Variants in CELF2 observed in about 807,000 individuals in gnomAD.
The protein encoded by CELF2 is CUGBP Elav-like family member 2.
In CELF2, 8 loss-of-function variants were observed where a neutral mutation model predicts 62.6. The ratio of observed to expected loss-of-function variants is 0.13; its 90% CI spans 0.07 to 0.23. The LOEUF (loss-of-function observed/expected upper bound fraction) is 0.23, where lower values mean the gene tolerates loss of function less well. CELF2 is among the 10% of genes least tolerant of loss of function. CELF2 has a pLI of 1.00. For synonymous variants in CELF2, 258 were observed against 250.0 expected (o/e 1.03, Z -0.30); for missense variants, 333 against 671.0 (o/e 0.50, Z 5.56).
chr10:10,860,895 T>C (rs1219228152), intron 1 of CELF2, among the ~76,000 whole-genome samples: 1 of 152,204 alleles, frequency 6.6e-6, no homozygotes, highest in East Asian at 1.9e-4. Flanking sequence ...TGGCTGAGAC[T>C]CAGCTACTTG....
Position 11,318,801 on chromosome 10 carries a change from C to A in CELF2, c.1097-2388C>A. 1 of 471,306 alleles carries A rather than the reference C, an allele frequency of 2.1e-6. No individual in the cohort carries two copies. The highest frequency in any genetic ancestry group is 3.2e-4 in the Middle Eastern group (1 of 3,078). 29.2% of individuals were successfully genotyped at this position (471,306 alleles called of 1,614,324 possible). On this transcript the variant is annotated intron_variant, in intron 10 of 12. Transcript: ENST00000633077. The surrounding 1 kb of genome is among the most constrained non-coding windows in gnomAD (Gnocchi z 5.4). ...AGAGAAGGGAGTTGGGTCCCAGTGA[C>A]CACTGCCATAAAATGCCACCTGTGT...
intron 2 of CELF2, among the ~76,000 whole-genome samples, chr10:10,958,376 G>T (rs62209): frequency 0.32 from 49,007 of 151,998 alleles, 12,175 homozygotes; most frequent in African/African-American, 0.7. Flanking sequence ...GTCAGGGAGA[G>T]GGAAGTGAGA....
chr10:10,990,686 AATG>A lies in CELF2; in HGVS notation c.89+70690_89+70692del, dbSNP rs1258014014. 6.6e-6 allele frequency among the ~76,000 whole-genome samples: 1 copy of A among 152,212 alleles called. No homozygotes were observed. The highest frequency in any genetic ancestry group is 1.5e-5 in the Non-Finnish European group (1 of 68,040). ...ATGCTAAATAAAGGCTAAAAAAGAT[AATG>A]ATCTTCCAGAGATTTGTAGATAAAT... On this transcript the variant is annotated intron_variant, in intron 2 of 13. Transcript: ENST00000636488. This position sits in a 1 kb window ranked among gnomAD's most constrained non-coding sequence, Gnocchi z 4.6.
At chr10:10,469,044 A>T in the CELF2 span, among the ~76,000 whole-genome samples, 1 of 151,948 alleles carries the variant, frequency 6.6e-6, no homozygotes, top group Non-Finnish European at 1.5e-5. Flanking sequence ...TGTTTTCATA[A>T]TATGCATTTT....
the CELF2 span, among the ~76,000 whole-genome samples, chr10:10,707,752 A>C: frequency 6.6e-6 from 1 of 152,174 alleles, no homozygotes; most frequent in Non-Finnish European, 1.5e-5. Context: ...TACTTCTTAT[A>C]ACAGGCATTG....
the CELF2 span, among the ~76,000 whole-genome samples, chr10:10,778,214 C>T: frequency 3.7e-4 from 57 of 152,176 alleles, 1 homozygote; most frequent in Admixed American, 3.7e-3. Flanking sequence ...TGAAAGGGAT[C>T]TTACGCAGAT....
At chr10:11,200,693 C>T (rs773500355) in intron 2 of CELF2, among the ~76,000 whole-genome samples, 1 of 152,192 alleles carries the variant, frequency 6.6e-6, no homozygotes, top group Non-Finnish European at 1.5e-5. Context: ...GCCTGCCTGT[C>T]ATTTGATGCT....
chr10:10,939,611 G>C (rs1191000443), intron 2 of CELF2, among the ~76,000 whole-genome samples: 1 of 151,348 alleles, frequency 6.6e-6, no homozygotes, highest in African/African-American at 2.4e-5. Flanking sequence ...CTTAATAAGT[G>C]TTTATTCAAT....
the CELF2 span, among the ~76,000 whole-genome samples, chr10:10,645,784 G>T: frequency 1.3e-5 from 2 of 152,192 alleles, no homozygotes; most frequent in Non-Finnish European, 2.9e-5. Flanking sequence ...TACTCAATAA[G>T]TTTCTTCTGA....
the CELF2 span, among the ~76,000 whole-genome samples, chr10:10,577,469 A>G: frequency 4.0e-5 from 6 of 151,542 alleles, no homozygotes; most frequent in African/African-American, 1.5e-4. Context: ...TTAACTCATC[A>G]TTTAGCATTA....
At chr10:10,582,715 A>G in the CELF2 span, among the ~76,000 whole-genome samples, 2 of 152,126 alleles carry the variant, frequency 1.3e-5, no homozygotes, top group Non-Finnish European at 2.9e-5. Flanking sequence ...CTTTTATTTC[A>G]TGGTGTTTTT....
chr10:11,232,661 G>A (rs1171735378), intron 3 of CELF2, among the ~76,000 whole-genome samples: 4 of 152,162 alleles, frequency 2.6e-5, no homozygotes, highest in Non-Finnish European at 5.9e-5. Context: ...TGATGATGTT[G>A]CATGGTACTG....
intron 2 of CELF2, among the ~76,000 whole-genome samples, chr10:10,939,533 A>G (rs1260929969): frequency 6.6e-6 from 1 of 151,704 alleles, no homozygotes; most frequent in Admixed American, 6.6e-5. Flanking sequence ...TGATCCACTC[A>G]CCTTGGCCTC....
At chr10:10,509,504 C>T in the CELF2 span, among the ~76,000 whole-genome samples, 2 of 152,192 alleles carry the variant, frequency 1.3e-5, no homozygotes, top group Non-Finnish European at 2.9e-5. Context: ...ACCAAATCTG[C>T]CAGCTTCTGA....
chr10:10,856,435 A>G (rs1411982102), intron 1 of CELF2, among the ~76,000 whole-genome samples: 1 of 152,226 alleles, frequency 6.6e-6, no homozygotes, highest in Admixed American at 6.5e-5. Flanking sequence ...GAGAGATCAA[A>G]TATTTAAAGA....
chr10:10,998,449 C>A (rs2054188744), intron 2 of CELF2, among the ~76,000 whole-genome samples: 1 of 152,192 alleles, frequency 6.6e-6, no homozygotes. Flanking sequence ...GTAATGCTTA[C>A]TTTCTACCAC....
the CELF2 span, among the ~76,000 whole-genome samples, chr10:10,645,344 T>C: frequency 6.6e-6 from 1 of 152,168 alleles, no homozygotes; most frequent in African/African-American, 2.4e-5. Context: ...TTTTAAACCT[T>C]TGTCGCAATT....
At chr10:10,581,280 A>C in the CELF2 span, among the ~76,000 whole-genome samples, 8 of 152,190 alleles carry the variant, frequency 5.3e-5, no homozygotes, top group African/African-American at 1.9e-4. Context: ...AAATTTCTAT[A>C]TTTAATTTTA....
Position 11,244,983 on chromosome 10 carries a change from G to A in CELF2, c.355-4170G>A, listed in dbSNP as rs1589739195. 6.6e-6 allele frequency among the ~76,000 whole-genome samples: 1 copy of A among 152,112 alleles called. No homozygotes were observed. The highest frequency in any genetic ancestry group is 2.1e-4 in the South Asian group (1 of 4,822). On this transcript the variant is annotated intron_variant, in intron 3 of 12. Coordinates refer to ENST00000633077, the MANE Select transcript of CELF2 (RefSeq NM_001326342.2). The surrounding 1 kb of genome is among the most constrained non-coding windows in gnomAD (Gnocchi z 4.2). ...TATCACGCTGTGGGAAATGCTTGCTGTATCTGTCTCTCCTACCACACTGCA... is the reference window on the plus strand; with the variant it reads ...TATCACGCTGTGGGAAATGCTTGCTATATCTGTCTCTCCTACCACACTGCA...
Sources: gnomAD v4.1 joint callset for allele counts (sites outside exome capture counted in the v4.1 genomes callset) on GRCh38, gnomAD v4.1.1 for gene constraint, Gnocchi (gnomAD v3.1) non-coding constraint, MANE v1.5 for transcripts, NCBI Gene and HGNC (gene_info 2026-07-23, HGNC 2026-07-21) for gene names.